TTLL5: variants seen among roughly 807,000 people sequenced by gnomAD.
The protein encoded by TTLL5 is tubulin polyglutamylase TTLL5.
Under a neutral mutation model 168.4 loss-of-function variants are expected in TTLL5, and 132 were observed. That is an observed-to-expected ratio of 0.78 (90% CI 0.68 to 0.91). The LOEUF (loss-of-function observed/expected upper bound fraction) is 0.91, where lower values mean the gene tolerates loss of function less well. Ranked by LOEUF, TTLL5 falls within the 40% of genes least tolerant of loss-of-function variation. TTLL5 has a pLI of 0.00. For synonymous variants in TTLL5, 546 were observed against 558.6 expected (o/e 0.98, Z 0.32); for missense variants, 1,545 against 1,581.5 (o/e 0.98, Z 0.39).
intron 28 of TTLL5, among the ~76,000 whole-genome samples, chr14:75,856,020 A>G (rs1897107373): frequency 6.6e-6 from 1 of 152,256 alleles, no homozygotes; most frequent in Admixed American, 6.5e-5. Context: ...AGTGACTCTT[A>G]TAACTGTGCA....
intron 27 of TTLL5, 45 bp from the exon 28 acceptor site, chr14:75,819,962 T>A (rs774727777): frequency 1.3e-6 from 2 of 1,553,266 alleles, no homozygotes; most frequent in Non-Finnish European, 1.7e-6. Context: ...TGATGCTTTT[T>A]AAAAACTCTG....
chr14:75,732,960 G>C (rs997414025), intron 13 of TTLL5, among the ~76,000 whole-genome samples: 3 of 152,064 alleles, frequency 2.0e-5, no homozygotes, highest in African/African-American at 4.8e-5. Flanking sequence ...TTCAATACCA[G>C]GGAAAATTCT....
intron 18 of TTLL5, among the ~76,000 whole-genome samples, chr14:75,757,504 G>A (rs545948571): frequency 1.3e-5 from 2 of 152,290 alleles, no homozygotes; most frequent in East Asian, 1.9e-4. Flanking sequence ...TAAATGGAGC[G>A]AATTAACAAC....
At chr14:75,665,879 TA>T in intron 2 of TTLL5, among the ~76,000 whole-genome samples, 1 of 152,338 alleles carries the variant, frequency 6.6e-6, no homozygotes, top group East Asian at 1.9e-4. Context: ...AAAACTGCTG[TA>T]ATTTTAGATA....
chr14:75,744,114 T>TAG (rs1015184318), intron 15 of TTLL5, among the ~76,000 whole-genome samples: 1 of 152,110 alleles, frequency 6.6e-6, no homozygotes, highest in Admixed American at 6.5e-5. Flanking sequence ...ATTCTACAAA[T>TAG]AGAGAGAGAG....
At chr14:75,826,296 T>TACACACACACACACACACACACAC (rs57519882) in intron 28 of TTLL5, among the ~76,000 whole-genome samples, 4 of 139,352 alleles carry the variant, frequency 2.9e-5, no homozygotes, top group African/African-American at 1.1e-4. Context: ...AGGATACGCG[T>TACACACACACACACACACACACAC]ACACACACAC....
Position 75,924,441 on chromosome 14 carries a change from T to C in TTLL5, c.3823+22217T>C, listed in dbSNP as rs542001757. On this transcript the variant is annotated intron_variant, in intron 31 of 31. Transcript: ENST00000298832. ...CAGAGGACCCTGCGGCCTTCCGCAG[T>C]GTTTGTGTCCCTGGGTACTTGAGAT... 2.6e-5 allele frequency among the ~76,000 whole-genome samples: 4 copies of C among 151,960 alleles called. No homozygotes were observed. In the East Asian group the frequency reaches 7.7e-4, roughly 29 times the overall value.
chr14:75,927,105 TTTG>T (rs2034098776), intron 31 of TTLL5, among the ~76,000 whole-genome samples: 1 of 152,228 alleles, frequency 6.6e-6, no homozygotes, highest in African/African-American at 2.4e-5. Flanking sequence ...TGTTTTTGTT[TTTG>T]TTTTAATTTT....
intron 31 of TTLL5, among the ~76,000 whole-genome samples, chr14:75,907,285 A>T (rs558833482): frequency 6.6e-6 from 1 of 152,354 alleles, no homozygotes; most frequent in South Asian, 2.1e-4. Context: ...CACCGAAGGC[A>T]TGGTCTAACT....
chr14:75,856,030 A>G (rs1167498856), intron 28 of TTLL5, among the ~76,000 whole-genome samples: 1 of 152,236 alleles, frequency 6.6e-6, no homozygotes, highest in Non-Finnish European at 1.5e-5. Context: ...ATAACTGTGC[A>G]CAAGGATGTA....
At chr14:75,848,101 A>G (rs917337528) in intron 28 of TTLL5, among the ~76,000 whole-genome samples, 2 of 151,738 alleles carry the variant, frequency 1.3e-5, no homozygotes, top group African/African-American at 2.4e-5. Flanking sequence ...GTTGTCTCCT[A>G]TTTCCCTTGG....
At chr14:75,954,252 CAAAAAA>C (rs56396876) in intron 31 of TTLL5, among the ~76,000 whole-genome samples, 166 bp from the exon 32 acceptor site, 5 of 74,518 alleles carry the variant, frequency 6.7e-5, no homozygotes, top group South Asian at 5.3e-4. Flanking sequence ...GACTCCATCT[CAAAAAA>C]AAAAAAAAAA....
At position 75,661,393 on chromosome 14, in the gene TTLL5, C is replaced by T. The variant is rs80118923; in HGVS notation, c.-96+6C>T. The T allele has an allele frequency of 0.016, 2,399 of 152,206 alleles. 81 individuals are homozygous for T. Among genetic ancestry groups the T allele is most frequent in the African/African-American group, 0.055 (2,264 of 41,478 alleles). The allele number at this position is 152,206 out of a possible 1,614,324, so 9.4% of individuals were successfully genotyped here. ...ACCATGGGAAGATGAGACAGGTAAA[C>T]GCCTGCGCCCGCGCGCTTCCCTACC... On this transcript the variant is annotated splice_donor_region_variant and intron_variant, in intron 1 of 31. Coordinates refer to ENST00000298832, the MANE Select transcript of TTLL5 (RefSeq NM_015072.5).
chr14:75,833,416 A>G (rs1039901097), intron 28 of TTLL5, among the ~76,000 whole-genome samples: 17 of 152,074 alleles, frequency 1.1e-4, no homozygotes, highest in African/African-American at 3.1e-4. Context: ...AATTTTTTTT[A>G]TTTTAAAATA....
intron 7 of TTLL5, among the ~76,000 whole-genome samples, chr14:75,703,088 A>G (rs943003734): frequency 6.6e-6 from 1 of 152,144 alleles, no homozygotes; most frequent in Admixed American, 6.5e-5. Flanking sequence ...GGATGAAGTA[A>G]CTCTTTCCAA....
intron 27 of TTLL5, among the ~76,000 whole-genome samples, chr14:75,808,235 T>A (rs2140383738): frequency 6.6e-6 from 1 of 152,296 alleles, no homozygotes. Flanking sequence ...TATACGTATA[T>A]TATGAAAATG....
intron 29 of TTLL5, among the ~76,000 whole-genome samples, chr14:75,870,491 C>T (rs2030938723): frequency 6.6e-6 from 1 of 152,150 alleles, no homozygotes; most frequent in South Asian, 2.1e-4. Flanking sequence ...CTTTACCCTC[C>T]CTTGTACTTT....
chr14:75,809,137 G>T (rs1893830366), intron 27 of TTLL5, among the ~76,000 whole-genome samples: 1 of 152,048 alleles, frequency 6.6e-6, no homozygotes, highest in South Asian at 2.1e-4. Flanking sequence ...GTCTCTTGGA[G>T]AATCTAATTA....
chr14:75,798,190 G>GTTGT (rs1893094560), intron 27 of TTLL5, among the ~76,000 whole-genome samples: 1 of 151,998 alleles, frequency 6.6e-6, no homozygotes, highest in African/African-American at 2.4e-5. Context: ...ATATTTCCAG[G>GTTGT]AATTTATCCG....
Sources: allele counts gnomAD v4.1 joint callset (sites outside exome capture counted in the v4.1 genomes callset), GRCh38; gene constraint gnomAD v4.1.1; transcripts MANE v1.5; gene names NCBI Gene and HGNC (gene_info 2026-07-23, HGNC 2026-07-21).